Variants in ZSCAN10 observed in about 807,000 individuals in gnomAD.
ZSCAN10 encodes zinc finger and SCAN domain containing 10.
A neutral mutation model predicts 63.7 loss-of-function variants in ZSCAN10; 52 were observed. The observed-to-expected ratio is 0.82, with a 90% CI of 0.65 to 1.03. The LOEUF is 1.03. Ranked by LOEUF, ZSCAN10 falls within the 50% of genes least tolerant of loss-of-function variation. The probability of loss-of-function intolerance (pLI) is 0.00; values close to 1 mark genes in which losing one functional copy is unlikely to be tolerated. For synonymous variants in ZSCAN10, 544 were observed against 479.6 expected (o/e 1.13, Z -1.76); for missense variants, 1,223 against 1,103.8 (o/e 1.11, Z -1.53).
intron 1 of ZSCAN10, among the ~76,000 whole-genome samples, chr16:3,095,352 C>G (rs917286536): frequency 6.8e-6 from 1 of 147,376 alleles, no homozygotes; most frequent in African/African-American, 2.5e-5. Flanking sequence ...CCCGTCTCTA[C>G]TAAAAATACA....
In ZSCAN10 at chr16:3,090,271, C is replaced by G. The variant is rs1268386898; in HGVS notation, c.1163G>C (p.Ser388Thr). Reference sequence around the variant, plus strand: ...GCGCATGTGCAGCTTGAGAATGGAGCTGCGGCCGAAGCTCTTCCCGCAGCA... The same window carrying G: ...GCGCATGTGCAGCTTGAGAATGGAGGTGCGGCCGAAGCTCTTCCCGCAGCA... The part of the protein sequence containing the change: ...CLCCGKSFGR[S>T]SILKLHMRTH... The change falls in exon 6 of 6, where the codon AGC becomes ACC. Residue 388 changes from serine (S) to threonine (T), a missense_variant. Ser to Thr is a moderately conservative substitution (Grantham distance 58). Coordinates refer to ENST00000576985, the MANE Select transcript of ZSCAN10 (RefSeq NM_032805.3). 1 of 1,608,642 alleles carries G rather than the reference C, an allele frequency of 6.2e-7. No individual in the cohort carries two copies. Among genetic ancestry groups the G allele is most frequent in the Non-Finnish European group, 8.5e-7 (1 of 1,179,352 alleles).
chr16:3,091,947 T>C, intron 3 of ZSCAN10, 102 bp downstream of exon 3: 2 of 1,582,704 alleles, frequency 1.3e-6, no homozygotes, highest in South Asian at 1.1e-5. Flanking sequence ...GGCGCTCTCC[T>C]GTCCTGGTCA....
chr16:3,089,964 G>C lies in ZSCAN10; in HGVS notation c.1470C>G (p.Ser490Arg). ...HCGQSFQRRS[S>R]LKRHLRIHAR... ...CGTGGATCCGCAGGTGGCGCTTGAG[G>C]CTGGAGCGGCGCTGGAAGCTCTGGC... Residue 490 changes from serine (S) to arginine (R), a missense_variant, in exon 6 of 6, where the codon AGC becomes AGG. Transcript: ENST00000576985. 6.5e-7 allele frequency: 1 copy of C among 1,544,092 alleles called. No individual in the cohort carries two copies. Among genetic ancestry groups the C allele is most frequent in the Non-Finnish European group, 8.7e-7 (1 of 1,147,642 alleles).
In ZSCAN10 at chr16:3,090,551, C is replaced by G. The variant is rs550139918; in HGVS notation, c.883G>C (p.Asp295His). ...PTPILAESQADSPGVPGEPCA... is the reference protein window; with the variant it reads ...PTPILAESQAHSPGVPGEPCA... ...GGCTCTCCCGGCACCCCAGGACTAT[C>G]TGCCTGGGACTCTGCTAAGATGGGA... The change falls in exon 6 of 6, where the codon GAT (aspartate) becomes CAT (histidine). Residue 295 changes from aspartate (D) to histidine (H), a missense_variant. Transcript: ENST00000576985. 1.2e-6 allele frequency: 2 copies of G among 1,606,304 alleles called. No homozygotes were observed. The highest frequency in any genetic ancestry group is 1.1e-5 in the South Asian group (1 of 90,910).
At chr16:3,095,547 G>C (rs1000355944) in intron 1 of ZSCAN10, among the ~76,000 whole-genome samples, 2 of 146,032 alleles carry the variant, frequency 1.4e-5, no homozygotes, top group Non-Finnish European at 3.0e-5. Context: ...TTAGCCAGTT[G>C]CTGGGGGCAC....
chr16:3,097,045 T>C (rs1023077266), intron 1 of ZSCAN10, among the ~76,000 whole-genome samples: 8 of 151,172 alleles, frequency 5.3e-5, no homozygotes, highest in Non-Finnish European at 8.8e-5. Flanking sequence ...TGCAGTGAGC[T>C]GAGATTGCAT....
In ZSCAN10 at chr16:3,089,297, C is replaced by T; in HGVS notation, c.2137G>A (p.Ala713Thr). 1 of 1,568,078 alleles carries T rather than the reference C, an allele frequency of 6.4e-7. No homozygotes were observed. Among genetic ancestry groups the T allele is most frequent in the Non-Finnish European group, 8.6e-7 (1 of 1,164,346 alleles). Residue 713 changes from alanine to threonine, a missense_variant, in exon 6 of 6, where the codon GCG becomes ACG. Ala to Thr is a moderately conservative substitution (Grantham distance 58). Coordinates refer to ENST00000576985, the MANE Select transcript of ZSCAN10 (RefSeq NM_032805.3). ...TCGGCCTGCTCCTGCCCGGGCTCCGCATGGGTAGCCAGGTGCCGCCGCAGA... is the reference window on the plus strand; with the variant it reads ...TCGGCCTGCTCCTGCCCGGGCTCCGTATGGGTAGCCAGGTGCCGCCGCAGA... ...AHLRRHLATHAEPGQEQAEPP... is the reference protein window; with the variant it reads ...AHLRRHLATHTEPGQEQAEPP...
Position 3,089,435 on chromosome 16 carries a change from A to G in ZSCAN10, c.1999T>C (p.Cys667Arg). The change falls in exon 6 of 6, where the codon TGC (cysteine) becomes CGC (arginine). Residue 667 changes from cysteine to arginine, a missense_variant. Cys to Arg is a radical substitution (Grantham distance 180). Coordinates refer to ENST00000576985, the MANE Select transcript of ZSCAN10 (RefSeq NM_032805.3). ...GAGCTATTGCGGAAACGGTGGCCGCAGGTGTCGCAGGCGTGGGGCTTCTCC... is the reference window on the plus strand; with the variant it reads ...GAGCTATTGCGGAAACGGTGGCCGCGGGTGTCGCAGGCGTGGGGCTTCTCC... The part of the protein sequence containing the change: ...TGEKPHACDT[C>R]GHRFRNSSNL... 1 of 1,605,832 alleles carries G rather than the reference A, an allele frequency of 6.2e-7. No homozygotes were observed.
intron 1 of ZSCAN10, among the ~76,000 whole-genome samples, chr16:3,095,570 G>A (rs1014493721): frequency 6.1e-5 from 9 of 147,744 alleles, no homozygotes; most frequent in Admixed American, 4.8e-4. Context: ...AGTGGCTGAC[G>A]CCTGTAATCC....
intron 1 of ZSCAN10, among the ~76,000 whole-genome samples, chr16:3,096,694 G>T (rs1024565477): frequency 6.6e-6 from 1 of 152,148 alleles, no homozygotes; most frequent in African/African-American, 2.4e-5. Flanking sequence ...GTGGGTGGCC[G>T]AGGTGGATGG....
intron 5 of ZSCAN10, 145 bp from the exon 6 acceptor site, chr16:3,090,791 T>C: frequency 2.0e-6 from 2 of 1,012,256 alleles, no homozygotes; most frequent in Non-Finnish European, 2.7e-6. Context: ...GGTTCACGCC[T>C]GTAATTTCAG....
chr16:3,090,863 G>A (rs1298676967), intron 5 of ZSCAN10, among the ~76,000 whole-genome samples: 1 of 149,672 alleles, frequency 6.7e-6, no homozygotes, highest in Non-Finnish European at 1.5e-5. Flanking sequence ...AGACCACCCT[G>A]GCCAACATGG....
rs1476570522 is a variant in ZSCAN10, at chr16:3,089,096, A to G, written c.2338T>C (p.Tyr780His). 2.0e-6 allele frequency: 3 copies of G among 1,498,614 alleles called. No individual in the cohort carries two copies. Among genetic ancestry groups the G allele is most frequent in the Non-Finnish European group, 2.6e-6 (3 of 1,135,912 alleles). 92.8% of individuals were successfully genotyped at this position (1,498,614 alleles called of 1,614,324 possible). A position where few individuals can be genotyped will look rare whatever the true frequency, so the allele number is the denominator to read the frequency against. ...CTGGCGGAAGGCGGGCCAAGCTAGT[A>G]CAGCGTCTCGCGGGCGTGGGTGCGC... ...HLRTHARETL[Y>H] Residue 780 changes from tyrosine (Y) to histidine (H), a missense_variant, in exon 6 of 6, where the codon TAC becomes CAC. Coordinates refer to ENST00000576985, the MANE Select transcript of ZSCAN10 (RefSeq NM_032805.3).
In ZSCAN10 at chr16:3,091,563, T is replaced by G. The variant is rs1957075920; in HGVS notation, c.764A>C (p.Lys255Thr). ...ACCCAGGGGGTGTGCAGGCCACGCC[T>G]TATTCTCTGGCACATCCTCAAAGGT... ...CLTFEDVPEN[K>T]AWPAHPLGFG... The change falls in exon 5 of 6, where the codon AAG becomes ACG. Residue 255 changes from lysine to threonine, a missense_variant. By Grantham distance (78) the Lys-to-Thr change is moderately conservative. Transcript: ENST00000576985. 1 of 1,614,050 alleles carries G rather than the reference T, an allele frequency of 6.2e-7. No homozygotes were observed.
In ZSCAN10 at chr16:3,089,908, C is replaced by A; in HGVS notation, c.1526G>T (p.Gly509Val). Residue 509 changes from glycine to valine, a missense_variant, in exon 6 of 6, where the codon GGC becomes GTC. Gly to Val is a moderately radical substitution (Grantham distance 109). Transcript: ENST00000576985. ...GGAGTCCCGGCGGCGGCTGCCGGAG[C>A]CTTCGGAGGACCGGCGGTCCTTGTC... ...ARDKDRRSSE[G>V]SGSRRRDSDR... 1.3e-6 allele frequency: 2 copies of A among 1,535,962 alleles called. No individual in the cohort carries two copies. Among genetic ancestry groups the A allele is most frequent in the Non-Finnish European group, 1.7e-6 (2 of 1,145,546 alleles).
rs1401088482 is a variant in ZSCAN10, at chr16:3,099,262, C to T, written c.-140G>A. ...AGGACTCCAGGGCCAAAGCCAGCCT[C>T]CGCCAGCCTGGGGAAGGGCTCTGGG... is the stretch of plus-strand genomic sequence containing the variant. On this transcript the variant is annotated 5_prime_UTR_variant, in exon 1 of 6. Coordinates refer to ENST00000576985, the MANE Select transcript of ZSCAN10 (RefSeq NM_032805.3). 1 of 152,494 alleles carries T rather than the reference C, an allele frequency of 6.6e-6. No homozygotes were observed. Among genetic ancestry groups the T allele is most frequent in the Non-Finnish European group, 1.5e-5 (1 of 68,270 alleles). The allele number at this position is 152,494 out of a possible 1,614,324, so 9.4% of individuals were successfully genotyped here.
At position 3,090,245 on chromosome 16, in the gene ZSCAN10, T is replaced by A; in HGVS notation, c.1189A>T (p.Thr397Ser). The change falls in exon 6 of 6, where the codon ACT (threonine) becomes TCT (serine). Residue 397 changes from threonine to serine, a missense_variant. Thr to Ser is a moderately conservative substitution (Grantham distance 58, BLOSUM62 1). Transcript: ENST00000576985. Reference sequence around the variant, plus strand: ...GCGTGCGGCCGCTCGTCCGTGTGAGTGCGCATGTGCAGCTTGAGAATGGAG... The same window carrying A: ...GCGTGCGGCCGCTCGTCCGTGTGAGAGCGCATGTGCAGCTTGAGAATGGAG... ...RSSILKLHMR[T>S]HTDERPHACH... The A allele has an allele frequency of 6.2e-7, 1 of 1,608,014 alleles. No individual in the cohort carries two copies. Among genetic ancestry groups the A allele is most frequent in the Non-Finnish European group, 8.5e-7 (1 of 1,179,634 alleles).
In ZSCAN10 at chr16:3,091,778, G is replaced by T; in HGVS notation, c.715C>A (p.Leu239Met). The T allele has an allele frequency of 1.3e-6, 2 of 1,572,854 alleles. No individual in the cohort carries two copies. The highest frequency in any genetic ancestry group is 1.9e-5 in the Admixed American group (1 of 53,656). Residue 239 changes from leucine (L) to methionine (M), a missense_variant, in exon 4 of 6, where the codon CTG (leucine) becomes ATG (methionine). By Grantham distance (15) the Leu-to-Met change is conservative. Coordinates refer to ENST00000576985, the MANE Select transcript of ZSCAN10 (RefSeq NM_032805.3). ...GCCCAGCTCACCAGCACAGCCGCCA[G>T]CTCCTGATCTCGGGAACTCTCCTCT... ...WPEESSRDQELAAVLECLTFE... is the reference protein window; with the variant it reads ...WPEESSRDQEMAAVLECLTFE...
At position 3,090,136 on chromosome 16, in the gene ZSCAN10, A is replaced by T. The variant is rs555923237; in HGVS notation, c.1298T>A (p.Leu433Gln). Residue 433 changes from leucine to glutamine, a missense_variant, in exon 6 of 6, where the codon CTG becomes CAG. Coordinates refer to ENST00000576985, the MANE Select transcript of ZSCAN10 (RefSeq NM_032805.3). ...LLTHSSEPAF[L>Q]CAECGRGFQR... ...GAAGCCGCGGCCGCACTCTGCGCACAGGAAGGCGGGTTCGGAGGAGTGGGT... is the reference window on the plus strand; with the variant it reads ...GAAGCCGCGGCCGCACTCTGCGCACTGGAAGGCGGGTTCGGAGGAGTGGGT... The T allele has an allele frequency of 4.4e-6, 7 of 1,600,718 alleles. No individual in the cohort carries two copies. The South Asian group carries it at 7.7e-5, about 18-fold the overall frequency.
Sources: gnomAD v4.1 joint callset for allele counts (sites outside exome capture counted in the v4.1 genomes callset) on GRCh38, gnomAD v4.1.1 for gene constraint, MANE v1.5 for transcripts, NCBI Gene and HGNC (gene_info 2026-07-23, HGNC 2026-07-21) for gene names.